Variants in BAG1 observed in about 807,000 individuals in gnomAD.
BAG1 encodes the protein BAG cochaperone 1.
BAG1 carries 35 observed loss-of-function variants against 35.5 expected under a neutral mutation model. The ratio of observed to expected loss-of-function variants is 0.99; its 90% confidence interval spans 0.75 to 1.31. BAG1 has a LOEUF of 1.31. Among genes scored for constraint, BAG1 ranks in the 50% most tolerant of loss-of-function variants. The pLI, the probability that BAG1 is intolerant of heterozygous loss-of-function variation, is 0.00. For synonymous variants in BAG1, 191 were observed against 178.9 expected (o/e 1.07, Z -0.54); for missense variants, 464 against 453.6 (o/e 1.02, Z -0.21).
chr9:33,264,565 G>A lies in BAG1; in HGVS notation c.110C>T (p.Ala37Val). 6.9e-7 allele frequency: 1 copy of A among 1,440,010 alleles called. No individual in the cohort carries two copies. Among genetic ancestry groups the A allele is most frequent in the Non-Finnish European group, 9.0e-7 (1 of 1,105,614 alleles). 89.2% of individuals were successfully genotyped at this position (1,440,010 alleles called of 1,614,324 possible). The change falls in exon 1 of 7, where the codon GCC becomes GTC. Residue 37 changes from alanine (A) to valine (V), a missense_variant. Ala to Val is a moderately conservative substitution (Grantham distance 64). Coordinates refer to ENST00000634734, the MANE Select transcript of BAG1 (RefSeq NM_004323.6). ...CCCAGAGGGAGGCGGACCACGCTGG[G>A]CCGGGGGCTCCGACTGGCGCGGCTC...
In BAG1 at chr9:33,252,668, G is replaced by A. The variant is rs146076839; in HGVS notation, c.*2551C>T. ...TCACCCAAGGAACCCTGGTGTTAAAGGCAAAGATTAACCAAATAATCCCAC... is the reference window on the plus strand; with the variant it reads ...TCACCCAAGGAACCCTGGTGTTAAAAGCAAAGATTAACCAAATAATCCCAC... On this transcript the variant is annotated 3_prime_UTR_variant, in exon 7 of 7. Coordinates refer to ENST00000634734, the MANE Select transcript of BAG1 (RefSeq NM_004323.6). 1.3e-5 allele frequency: 2 copies of A among 151,906 alleles called. No individual in the cohort carries two copies. The highest frequency in any genetic ancestry group is 2.9e-5 in the Non-Finnish European group (2 of 68,026). 9.4% of individuals were successfully genotyped at this position (151,906 alleles called of 1,614,324 possible). A position where few individuals can be genotyped will look rare whatever the true frequency, so the allele number is the denominator to read the frequency against.
Position 33,255,186 on chromosome 9 carries a change from C to T in BAG1, c.*33G>A. 6.2e-7 allele frequency: 1 copy of T among 1,614,226 alleles called. No individual in the cohort carries two copies. The highest frequency in any genetic ancestry group is 1.1e-5 in the South Asian group (1 of 91,080). ...AGACGGCAGAGCTGGTGGCGCCATT[C>T]TTCAGGGCAGCACAGCCTTTTTCTG... On this transcript the variant is annotated 3_prime_UTR_variant, in exon 7 of 7. Transcript: ENST00000634734.
chr9:33,254,195 G>A lies in BAG1; in HGVS notation c.*1024C>T, dbSNP rs1820399452. The A allele has an allele frequency of 7.1e-6, 1 of 140,764 alleles. No homozygotes were observed. The highest frequency in any genetic ancestry group is 1.5e-5 in the Non-Finnish European group (1 of 65,506). The allele number at this position is 140,764 out of a possible 1,614,324, so 8.7% of individuals were successfully genotyped here. A position where few individuals can be genotyped will look rare whatever the true frequency, so the allele number is the denominator to read the frequency against. ...AGAATGGGGTTTTGCTATGTTGCCTGGGCTGGTCTCAAACTCCTGGCCTCA... is the reference window on the plus strand; with the variant it reads ...AGAATGGGGTTTTGCTATGTTGCCTAGGCTGGTCTCAAACTCCTGGCCTCA... On this transcript the variant is annotated 3_prime_UTR_variant, in exon 7 of 7. Coordinates refer to ENST00000634734, the MANE Select transcript of BAG1 (RefSeq NM_004323.6).
At chr9:33,262,286 G>A in intron 2 of BAG1, 1 of 1,257,792 alleles carries the variant, frequency 8.0e-7, no homozygotes, top group Non-Finnish European at 1.0e-6. Context: ...GTCCCAGTTT[G>A]AAAACAGAGT....
intron 2 of BAG1, chr9:33,261,897 G>T: frequency 1.0e-6 from 1 of 985,362 alleles, no homozygotes. Flanking sequence ...CAGGCCTCAG[G>T]TAAGTTTGCT....
Position 33,256,982 on chromosome 9 carries a change from T to C in BAG1, c.778-74A>G, listed in dbSNP as rs1329934223. ...AGACTCCATGCCACAATACTAATGA[T>C]GCAATCACACTGAGCCCACCATAGC... On this transcript the variant is annotated intron_variant, in intron 4 of 6. Coordinates refer to ENST00000634734, the MANE Select transcript of BAG1 (RefSeq NM_004323.6). 10 of 1,126,526 alleles carry C rather than the reference T, an allele frequency of 8.9e-6. No homozygotes were observed. In the East Asian group the frequency reaches 1.2e-4, roughly 13 times the overall value. 69.8% of individuals were successfully genotyped at this position (1,126,526 alleles called of 1,614,324 possible).
chr9:33,260,970 G>A, intron 3 of BAG1, 117 bp downstream of exon 3: 2 of 714,910 alleles, frequency 2.8e-6, no homozygotes, highest in Non-Finnish European at 4.5e-6. Flanking sequence ...TATTTGTTTA[G>A]AGAGGTGTTT....
chr9:33,264,104 C>T (rs1488657470), intron 1 of BAG1, 120 bp downstream of exon 1: 4 of 1,209,840 alleles, frequency 3.3e-6, no homozygotes, highest in Admixed American at 2.6e-5. Flanking sequence ...CAATAACCCA[C>T]GCTTCCGGAC....
chr9:33,264,629 G>T lies in BAG1; in HGVS notation c.46C>A (p.Arg16=). 1 of 1,348,864 alleles carries T rather than the reference G, an allele frequency of 7.4e-7. No homozygotes were observed. Among genetic ancestry groups the T allele is most frequent in the Non-Finnish European group, 9.4e-7 (1 of 1,058,948 alleles). 83.6% of individuals were successfully genotyped at this position (1,348,864 alleles called of 1,614,324 possible). Reference sequence around the variant, plus strand: ...AGGGCGCGCAGCCGGGAACCCAGCCGCTCCCGGTCGCCTCGCGGTCTCCGC... The same window carrying T: ...AGGGCGCGCAGCCGGGAACCCAGCCTCTCCCGGTCGCCTCGCGGTCTCCGC... The change falls in exon 1 of 7, where the codon CGG becomes AGG. Residue 16 remains arginine (R), a synonymous_variant. Transcript: ENST00000634734.
At position 33,264,629 on chromosome 9, in the gene BAG1, G is replaced by C; in HGVS notation, c.46C>G (p.Arg16Gly). 4 of 1,348,864 alleles carry C rather than the reference G, an allele frequency of 3.0e-6. No individual in the cohort carries two copies. Among genetic ancestry groups the C allele is most frequent in the Non-Finnish European group, 3.8e-6 (4 of 1,058,948 alleles). 83.6% of individuals were successfully genotyped at this position (1,348,864 alleles called of 1,614,324 possible). A position where few individuals can be genotyped will look rare whatever the true frequency, so the allele number is the denominator to read the frequency against. ...AGGGCGCGCAGCCGGGAACCCAGCC[G>C]CTCCCGGTCGCCTCGCGGTCTCCGC... Residue 16 changes from arginine to glycine, a missense_variant, in exon 1 of 7, where the codon CGG becomes GGG. Transcript: ENST00000634734.
chr9:33,263,624 C>A (rs1820628983), intron 1 of BAG1, among the ~76,000 whole-genome samples: 1 of 152,142 alleles, frequency 6.6e-6, no homozygotes, highest in Non-Finnish European at 1.5e-5. Flanking sequence ...CACTCAAAAC[C>A]GCAGGATCTA....
intron 2 of BAG1, chr9:33,262,143 G>T: frequency 7.8e-7 from 1 of 1,289,692 alleles, no homozygotes. Flanking sequence ...CATCGAAAAT[G>T]GTGAGATTTC....
intron 4 of BAG1, chr9:33,258,239 GGAGCCACTGA>G (rs1820496509): frequency 1.4e-5 from 2 of 141,682 alleles, no homozygotes; most frequent in African/African-American, 2.6e-5. Context: ...GAGGCTACAG[GGAGCCACTGA>G]GATTGCACCA....
intron 1 of BAG1, among the ~76,000 whole-genome samples, chr9:33,263,213 G>A (rs1820616069): frequency 6.6e-6 from 1 of 152,186 alleles, no homozygotes; most frequent in African/African-American, 2.4e-5. Context: ...GTTGATATCA[G>A]ATCTAGCTGA....
rs1427902852 is a variant in BAG1, at chr9:33,254,830, T to C, written c.*389A>G. 2.6e-6 allele frequency: 1 copy of C among 378,502 alleles called. No homozygotes were observed. The highest frequency in any genetic ancestry group is 7.1e-5 in the East Asian group (1 of 13,988). 23.4% of individuals were successfully genotyped at this position (378,502 alleles called of 1,614,324 possible). A position where few individuals can be genotyped will look rare whatever the true frequency, so the allele number is the denominator to read the frequency against. ...GTTTTACAGCTATGGGACTACACGA[T>C]CACAAGAGCAAAGAAGCCCTCATGT... On this transcript the variant is annotated 3_prime_UTR_variant, in exon 7 of 7. Transcript: ENST00000634734.
chr9:33,262,693 A>T lies in BAG1; in HGVS notation c.580+9T>A. Reference sequence around the variant, plus strand: ...AAAGAAAAAGAAAGAAAGAAAAAGAAATGCTTACCCTTAAATATGAGTTTC... The same window carrying T: ...AAAGAAAAAGAAAGAAAGAAAAAGATATGCTTACCCTTAAATATGAGTTTC... On this transcript the variant is annotated intron_variant, in intron 2 of 6. Coordinates refer to ENST00000634734, the MANE Select transcript of BAG1 (RefSeq NM_004323.6). 6.4e-7 allele frequency: 1 copy of T among 1,571,916 alleles called. No individual in the cohort carries two copies. The highest frequency in any genetic ancestry group is 1.4e-5 in the African/African-American group (1 of 72,144).
chr9:33,264,119 G>C (rs1820646086), intron 1 of BAG1, 105 bp downstream of exon 1: 1 of 1,364,250 alleles, frequency 7.3e-7, no homozygotes, highest in Admixed American at 2.4e-5. Flanking sequence ...CCGGACGCCA[G>C]GACAAGCGCA....
At chr9:33,255,776 G>A (rs537378011) in intron 6 of BAG1, 89 bp downstream of exon 6, 32 of 1,422,598 alleles carry the variant, frequency 2.2e-5, no homozygotes, top group Middle Eastern at 1.8e-4. Flanking sequence ...CACACACCAC[G>A]CTCCTACACT....
At position 33,255,065 on chromosome 9, in the gene BAG1, C is replaced by A; in HGVS notation, c.*154G>T. 6.4e-7 allele frequency: 1 copy of A among 1,567,842 alleles called. No individual in the cohort carries two copies. The highest frequency in any genetic ancestry group is 1.7e-4 in the Middle Eastern group (1 of 5,984). On this transcript the variant is annotated 3_prime_UTR_variant, in exon 7 of 7. Coordinates refer to ENST00000634734, the MANE Select transcript of BAG1 (RefSeq NM_004323.6). ...AGCTTTACTCAAAATCACAAAGACACTATTTTTCATTGAGAACCAGTGTGA... is the reference window on the plus strand; with the variant it reads ...AGCTTTACTCAAAATCACAAAGACAATATTTTTCATTGAGAACCAGTGTGA...
Sources: gnomAD v4.1 joint callset for allele counts (sites outside exome capture counted in the v4.1 genomes callset) on GRCh38, gnomAD v4.1.1 for gene constraint, MANE v1.5 for transcripts, NCBI Gene and HGNC (gene_info 2026-07-23, HGNC 2026-07-21) for gene names.